The following CDH9 variants were observed in gnomAD, a reference collection of about 807,000 sequenced individuals.
CDH9 encodes cadherin-9.
In CDH9, 28 loss-of-function variants were observed where a neutral mutation model predicts 70.9. The observed-to-expected ratio is 0.40, with a 90% CI of 0.29 to 0.54. The LOEUF (loss-of-function observed/expected upper bound fraction) is 0.54. CDH9 is among the 20% of genes least tolerant of loss of function. The pLI, the probability that CDH9 is intolerant of heterozygous loss-of-function variation, is 0.59. For missense variants in CDH9, 874 were observed against 984.4 expected (o/e 0.89, Z 1.50); for synonymous variants, 409 against 343.1 (o/e 1.19, Z -2.12).
chr5:26,941,325 G>A (rs1451414596), intron 2 of CDH9, among the ~76,000 whole-genome samples: 3 of 152,172 alleles, frequency 2.0e-5, no homozygotes, highest in Admixed American at 6.5e-5. Context: ...TCAGCTGGAG[G>A]TAATTCTTCC....
At chr5:27,002,564 T>C (rs1316748300) in intron 1 of CDH9, among the ~76,000 whole-genome samples, 5 of 152,090 alleles carry the variant, frequency 3.3e-5, no homozygotes, top group Admixed American at 1.3e-4. Context: ...ATGTGGCACA[T>C]ATACACCATG....
intron 2 of CDH9, among the ~76,000 whole-genome samples, chr5:26,935,530 A>G (rs1239988277): frequency 6.6e-6 from 1 of 152,210 alleles, no homozygotes; most frequent in East Asian, 1.9e-4. Context: ...TAATCAGTGA[A>G]ATGCAAATTA....
chr5:26,955,165 C>A (rs1741925363), intron 2 of CDH9, among the ~76,000 whole-genome samples: 2 of 152,174 alleles, frequency 1.3e-5, no homozygotes, highest in Admixed American at 1.3e-4. Flanking sequence ...GTTTTCTTTT[C>A]AAATATTGGA....
intron 3 of CDH9, among the ~76,000 whole-genome samples, chr5:26,910,141 G>A (rs1340894701): frequency 6.6e-6 from 1 of 151,934 alleles, no homozygotes; most frequent in Non-Finnish European, 1.5e-5. Flanking sequence ...ATGCAAATAT[G>A]AAAATGTTTT....
At chr5:26,986,512 C>A (rs1397139655) in intron 2 of CDH9, among the ~76,000 whole-genome samples, 1 of 151,974 alleles carries the variant, frequency 6.6e-6, no homozygotes, top group Admixed American at 6.6e-5. Context: ...AATTAATGTA[C>A]ACTCAATTTT....
Position 27,034,497 on chromosome 5 carries a change from G to A in CDH9, c.-50+3966C>T, listed in dbSNP as rs868695043. On this transcript the variant is annotated intron_variant, in intron 1 of 11. Transcript: ENST00000231021. ...AAAAAATCTCAGAAAAACTTTGAATGTCATTTTAAGAAAATATTCAGCTCT... is the reference window on the plus strand; with the variant it reads ...AAAAAATCTCAGAAAAACTTTGAATATCATTTTAAGAAAATATTCAGCTCT... 5.9e-5 allele frequency among the ~76,000 whole-genome samples: 9 copies of A among 151,502 alleles called. No individual in the cohort carries two copies. In the South Asian group the frequency reaches 1.0e-3, roughly 17 times the overall value.
chr5:26,981,221 G>A (rs1340632303), intron 2 of CDH9, among the ~76,000 whole-genome samples: 1 of 151,946 alleles, frequency 6.6e-6, no homozygotes, highest in East Asian at 1.9e-4. Context: ...GGTATCCGTG[G>A]GTGATTGGTT....
intron 2 of CDH9, among the ~76,000 whole-genome samples, chr5:26,923,107 C>G (rs1741275672): frequency 7.4e-6 from 1 of 135,492 alleles, no homozygotes; most frequent in African/African-American, 2.7e-5. Flanking sequence ...AAACAAGACC[C>G]AACAATCTGG....
At chr5:26,948,539 T>TA (rs1374882998) in intron 2 of CDH9, among the ~76,000 whole-genome samples, 1 of 152,204 alleles carries the variant, frequency 6.6e-6, no homozygotes, top group Non-Finnish European at 1.5e-5. Flanking sequence ...CACTAGTTCT[T>TA]ATGTCACCTT....
chr5:26,946,131 G>A (rs1741748333), intron 2 of CDH9, among the ~76,000 whole-genome samples: 1 of 152,120 alleles, frequency 6.6e-6, no homozygotes, highest in Admixed American at 6.6e-5. Flanking sequence ...AAATTGAGAT[G>A]TTTGATAACT....
At chr5:26,983,848 A>G (rs922291443) in intron 2 of CDH9, among the ~76,000 whole-genome samples, 6 of 152,100 alleles carry the variant, frequency 3.9e-5, no homozygotes, top group Non-Finnish European at 5.9e-5. Flanking sequence ...TTACTTCTAC[A>G]TATCAAACTG....
chr5:26,924,737 G>A (rs1489888994), intron 2 of CDH9, among the ~76,000 whole-genome samples: 2 of 151,862 alleles, frequency 1.3e-5, no homozygotes, highest in Non-Finnish European at 2.9e-5. Context: ...GGTGTGTGAT[G>A]TTCCCCACCC....
chr5:27,015,087 G>A (rs1461807898), intron 1 of CDH9, among the ~76,000 whole-genome samples: 1 of 151,750 alleles, frequency 6.6e-6, no homozygotes, highest in African/African-American at 2.4e-5. Flanking sequence ...CATATTTCAC[G>A]TAAGTAGATT....
intron 2 of CDH9, among the ~76,000 whole-genome samples, chr5:26,963,189 T>C (rs1289628096): frequency 6.6e-6 from 1 of 152,168 alleles, no homozygotes; most frequent in Non-Finnish European, 1.5e-5. Flanking sequence ...ATTTAGACCT[T>C]TGCCCTTTTA....
intron 1 of CDH9, among the ~76,000 whole-genome samples, chr5:27,008,755 T>C (rs533478046): frequency 6.6e-6 from 1 of 152,306 alleles, no homozygotes; most frequent in East Asian, 1.9e-4. Flanking sequence ...TGGTAGATGC[T>C]GCAGTGCTCC....
intron 2 of CDH9, among the ~76,000 whole-genome samples, chr5:26,972,998 C>T (rs778429971): frequency 1.3e-5 from 2 of 151,862 alleles, no homozygotes; most frequent in Non-Finnish European, 2.9e-5. Context: ...CAAGTAGCTG[C>T]GACTACAAGC....
chr5:26,988,303 T>A lies in CDH9; in HGVS notation c.31A>T (p.Ile11Phe), dbSNP rs377624510. The A allele has an allele frequency of 6.2e-7, 1 of 1,613,132 alleles. No individual in the cohort carries two copies. The highest frequency in any genetic ancestry group is 8.5e-7 in the Non-Finnish European group (1 of 1,179,402). The change falls in exon 2 of 12, where the codon ATC becomes TTC. Residue 11 changes from isoleucine (I) to phenylalanine (F), a missense_variant. By Grantham distance (21) the Ile-to-Phe change is conservative. Transcript: ENST00000231021. MRTYHYIPLFIWTYMFHTVDT... is the reference protein window; with the variant it reads MRTYHYIPLFFWTYMFHTVDT... The stretch of plus-strand genomic sequence containing the variant: ...ACTGTATGGAACATATAGGTCCAGA[T>A]GAATAATGGTATATAATGGTAAGTC...
At chr5:26,956,496 CT>C (rs1741948781) in intron 2 of CDH9, among the ~76,000 whole-genome samples, 1 of 152,172 alleles carries the variant, frequency 6.6e-6, no homozygotes. Context: ...CATCCTAAGG[CT>C]GTTTTCACAG....
chr5:26,935,089 G>A (rs1382402227), intron 2 of CDH9, among the ~76,000 whole-genome samples: 1 of 152,078 alleles, frequency 6.6e-6, no homozygotes, highest in African/African-American at 2.4e-5. Flanking sequence ...ACACTCAGAA[G>A]TGAATTAGGT....
Sources: gnomAD v4.1 joint callset for allele counts (sites outside exome capture counted in the v4.1 genomes callset) on GRCh38, gnomAD v4.1.1 for gene constraint, MANE v1.5 for transcripts, NCBI Gene and HGNC (gene_info 2026-07-23, HGNC 2026-07-21) for gene names.